Variants in PCDHA3 observed in about 807,000 individuals in gnomAD.
PCDHA3 encodes the protein protocadherin alpha 3, also known as protocadherin alpha-3.
PCDHA3 carries 41 observed loss-of-function variants against 62.2 expected under a neutral mutation model. The observed-to-expected ratio is 0.66, with a 90% CI of 0.51 to 0.86. PCDHA3 has a LOEUF of 0.86. Among genes scored for constraint, PCDHA3 ranks in the 40% least tolerant of loss-of-function variants. The probability of loss-of-function intolerance (pLI) is 0.00; values close to 1 mark genes in which losing one functional copy is unlikely to be tolerated. For missense variants in PCDHA3, 1,304 were observed against 1,241.2 expected (o/e 1.05, Z -0.76); for synonymous variants, 640 against 555.4 (o/e 1.15, Z -2.14).
chr5:140,831,464 A>G (rs1771535057), intron 1 of PCDHA3, among the ~76,000 whole-genome samples: 1 of 132,286 alleles, frequency 7.6e-6, no homozygotes, highest in Admixed American at 7.7e-5. Flanking sequence ...GGCTCAAGTG[A>G]TTCTCTCACC....
At chr5:140,808,694 G>A in intron 1 of PCDHA3, 1 of 1,612,206 alleles carries the variant, frequency 6.2e-7, no homozygotes, top group Non-Finnish European at 8.5e-7. Context: ...AGGGGAGCGC[G>A]CGCTGTCGAG....
intron 1 of PCDHA3, chr5:140,877,832 C>T (rs782156769): frequency 1.9e-6 from 3 of 1,591,692 alleles, no homozygotes; most frequent in African/African-American, 2.7e-5. Flanking sequence ...TTAAATCCTC[C>T]CAGTGAAGTA....
chr5:140,887,454 T>A (rs1234442880), intron 1 of PCDHA3, among the ~76,000 whole-genome samples: 5 of 152,178 alleles, frequency 3.3e-5, no homozygotes, highest in Non-Finnish European at 7.3e-5. Context: ...GACAGTTTTT[T>A]AAAAGATATA....
At chr5:140,907,872 G>A (rs1473403839) in intron 1 of PCDHA3, among the ~76,000 whole-genome samples, 1 of 152,208 alleles carries the variant, frequency 6.6e-6, no homozygotes, top group Non-Finnish European at 1.5e-5. Flanking sequence ...CCGTTGGTGA[G>A]CACTCACATG....
At chr5:140,943,479 TAATA>T (rs1447671932) in intron 1 of PCDHA3, among the ~76,000 whole-genome samples, 1 of 151,960 alleles carries the variant, frequency 6.6e-6, no homozygotes, top group African/African-American at 2.4e-5. Context: ...TACAGTAAAA[TAATA>T]AATAGATGCT....
chr5:141,009,745 A>G lies in PCDHA3; in HGVS notation c.2661A>G (p.Lys887=). The G allele has an allele frequency of 6.2e-7, 1 of 1,614,104 alleles. No individual in the cohort carries two copies. The highest frequency in any genetic ancestry group is 8.5e-7 in the Non-Finnish European group (1 of 1,180,006). The part of the protein sequence containing the change: ...KQSGPGELPD[K]FIIPGSPAII... ...CCGGTCCCGGTGAGTTGCCCGACAA[A>G]TTCATTATCCCAGGATCTCCTGCAA... Residue 887 remains lysine, a synonymous_variant, in exon 4 of 4, where the codon AAA becomes AAG. Coordinates refer to ENST00000522353, the MANE Select transcript of PCDHA3 (RefSeq NM_018906.3).
chr5:140,849,642 G>T (rs2150443693), intron 1 of PCDHA3: 2 of 1,598,700 alleles, frequency 1.3e-6, no homozygotes, highest in Non-Finnish European at 1.7e-6. Flanking sequence ...AGATGCCAAC[G>T]GGCAGGTTAC....
chr5:140,969,363 C>T, intron 1 of PCDHA3: 2 of 1,610,732 alleles, frequency 1.2e-6, no homozygotes, highest in Non-Finnish European at 8.5e-7. Context: ...CTTCTACAAA[C>T]TCATGCATTT....
At chr5:140,984,566 C>T (rs899278255) in intron 3 of PCDHA3, among the ~76,000 whole-genome samples, 4 of 152,124 alleles carry the variant, frequency 2.6e-5, no homozygotes, top group Non-Finnish European at 5.9e-5. Context: ...TCCAACTACT[C>T]CATGGCAACC....
At chr5:140,983,104 T>C (rs907787884) in intron 3 of PCDHA3, among the ~76,000 whole-genome samples, 3 of 152,234 alleles carry the variant, frequency 2.0e-5, no homozygotes, top group Admixed American at 1.3e-4. Flanking sequence ...TGCTTCTCTC[T>C]GCACATCAAC....
At chr5:140,807,976 A>C in intron 1 of PCDHA3, 1 of 1,613,844 alleles carries the variant, frequency 6.2e-7, no homozygotes, top group Non-Finnish European at 8.5e-7. Context: ...TGGTAATTAA[A>C]CTTAACGCCT....
chr5:140,804,869 T>A (rs1763474292), intron 1 of PCDHA3: 1 of 569,386 alleles, frequency 1.8e-6, no homozygotes, highest in Admixed American at 3.8e-5. Flanking sequence ...AAAATAGATA[T>A]TTTTCTTGAC....
In PCDHA3 at chr5:141,011,633, G is replaced by A. The variant is rs988824031; in HGVS notation, c.*1696G>A. ...TTATGGTCCAGCCAAGAGCCATCTC[G>A]TGCCAAGACTTCTGCTGGCAAGGGA... is the stretch of plus-strand genomic sequence containing the variant. On this transcript the variant is annotated 3_prime_UTR_variant, in exon 4 of 4. Transcript: ENST00000522353. The A allele has an allele frequency of 6.5e-6, 1 of 153,624 alleles. No homozygotes were observed. Among genetic ancestry groups the A allele is most frequent in the Non-Finnish European group, 1.5e-5 (1 of 68,022 alleles). The allele number at this position is 153,624 out of a possible 1,614,324, so 9.5% of individuals were successfully genotyped here. A position where few individuals can be genotyped will look rare whatever the true frequency, so the allele number is the denominator to read the frequency against.
chr5:140,842,984 G>T (rs2150349206), intron 1 of PCDHA3: 2 of 1,595,034 alleles, frequency 1.3e-6, no homozygotes, highest in Non-Finnish European at 8.6e-7. Flanking sequence ...GCAGGTGTTC[G>T]TGCTGGACGA....
At chr5:140,880,731 GAA>G (rs2058452770) in intron 1 of PCDHA3, among the ~76,000 whole-genome samples, 1 of 152,216 alleles carries the variant, frequency 6.6e-6, no homozygotes, top group Non-Finnish European at 1.5e-5. Flanking sequence ...GAAGCATAGA[GAA>G]AATGGATTGT....
chr5:140,858,341 G>A, intron 1 of PCDHA3: 1 of 1,595,396 alleles, frequency 6.3e-7, no homozygotes, highest in Non-Finnish European at 8.6e-7. Context: ...CCTGCCCAAG[G>A]CGGACCTCAT....
At chr5:140,927,409 A>T (rs1554204480) in intron 1 of PCDHA3, 4 of 1,614,120 alleles carry the variant, frequency 2.5e-6, no homozygotes, top group Non-Finnish European at 3.4e-6. Context: ...TCGCCTGGAC[A>T]TGGGATCGCG....
Position 140,853,606 on chromosome 5 carries a change from G to T in PCDHA3, c.2394+50015G>T. 3.0e-6 allele frequency: 3 copies of T among 987,448 alleles called. 1 individual carries two copies. The highest frequency in any genetic ancestry group is 3.7e-6 in the Non-Finnish European group (3 of 819,684). The allele number at this position is 987,448 out of a possible 1,614,324, so 61.2% of individuals were successfully genotyped here. A position where few individuals can be genotyped will look rare whatever the true frequency, so the allele number is the denominator to read the frequency against. On this transcript the variant is annotated intron_variant, in intron 1 of 3. Coordinates refer to ENST00000522353, the MANE Select transcript of PCDHA3 (RefSeq NM_018906.3). ...CTTAGACACTTTGAGAGCAAAGGGG[G>T]TGCTGTAAATAAGTATACAAGATCA...
At position 141,011,939 on chromosome 5, in the gene PCDHA3, A is replaced by T. The variant is rs955936849; in HGVS notation, c.*2002A>T. 5 of 153,690 alleles carry T rather than the reference A, an allele frequency of 3.3e-5. No individual in the cohort carries two copies. The highest frequency in any genetic ancestry group is 1.2e-4 in the African/African-American group (5 of 41,448). The allele number at this position is 153,690 out of a possible 1,614,324, so 9.5% of individuals were successfully genotyped here. A position where few individuals can be genotyped will look rare whatever the true frequency, so the allele number is the denominator to read the frequency against. On this transcript the variant is annotated 3_prime_UTR_variant, in exon 4 of 4. Coordinates refer to ENST00000522353, the MANE Select transcript of PCDHA3 (RefSeq NM_018906.3). ...TAAAAGAGGTAGGAGTCTGTTATTT[A>T]AAAAAAGCATTAAATTTAAAAAAAA...
Sources: allele counts gnomAD v4.1 joint callset (sites outside exome capture counted in the v4.1 genomes callset), GRCh38; gene constraint gnomAD v4.1.1; transcripts MANE v1.5; gene names NCBI Gene and HGNC (gene_info 2026-07-23, HGNC 2026-07-21).